Variants in ZNF804A observed in about 807,000 individuals in gnomAD.
ZNF804A encodes the protein zinc finger protein 804A.
In ZNF804A, 2 loss-of-function variants were observed where a neutral mutation model predicts 16.5. That is an observed-to-expected ratio of 0.12 (90% CI 0.05 to 0.38). The LOEUF (loss-of-function observed/expected upper bound fraction) is 0.38. Among genes scored for constraint, ZNF804A ranks in the 10% least tolerant of loss-of-function variants. ZNF804A has a pLI of 0.99. For synonymous variants in ZNF804A, 534 were observed against 489.6 expected (o/e 1.09, Z -1.20); for missense variants, 1,473 against 1,390.7 (o/e 1.06, Z -0.94).
intron 1 of ZNF804A, among the ~76,000 whole-genome samples, chr2:184,697,679 AAAT>A (rs1392350991): frequency 6.6e-6 from 1 of 152,096 alleles, no homozygotes; most frequent in African/African-American, 2.4e-5. Flanking sequence ...TTCTAACATT[AAAT>A]AATGAGAAAT....
chr2:184,756,104 GT>G (rs35350722), intron 1 of ZNF804A, among the ~76,000 whole-genome samples: 7 of 151,692 alleles, frequency 4.6e-5, no homozygotes, highest in African/African-American at 7.3e-5. Context: ...TGTTTATAGA[GT>G]TTTTTTCCTC....
At chr2:184,915,162 C>T (rs1177675326) in intron 2 of ZNF804A, among the ~76,000 whole-genome samples, 2 of 151,706 alleles carry the variant, frequency 1.3e-5, no homozygotes, top group Non-Finnish European at 2.9e-5. Flanking sequence ...AAAATTATTC[C>T]ATATTTACTG....
intron 2 of ZNF804A, among the ~76,000 whole-genome samples, chr2:184,932,877 A>AC (rs1453129803): frequency 1.3e-5 from 2 of 152,124 alleles, no homozygotes; most frequent in Admixed American, 1.3e-4. Flanking sequence ...AACTTCTTTA[A>AC]CACAGATGAA....
chr2:184,833,350 T>C (rs1695295315), intron 1 of ZNF804A, among the ~76,000 whole-genome samples: 2 of 152,160 alleles, frequency 1.3e-5, no homozygotes, highest in South Asian at 4.1e-4. Flanking sequence ...AGTCTAGATC[T>C]TCAGATCAGT....
chr2:184,637,587 A>G (rs1453640482), intron 1 of ZNF804A, among the ~76,000 whole-genome samples: 1 of 152,154 alleles, frequency 6.6e-6, no homozygotes, highest in Non-Finnish European at 1.5e-5. Context: ...TCAAAACAGG[A>G]AAAGAGACAG....
intron 1 of ZNF804A, among the ~76,000 whole-genome samples, chr2:184,844,406 T>C (rs1695483220): frequency 6.6e-6 from 1 of 152,102 alleles, no homozygotes; most frequent in Non-Finnish European, 1.5e-5. Context: ...GGCACATTTG[T>C]TGGTGATGAA....
rs1692766132 is a variant in ZNF804A, at chr2:184,693,483, T to C, written c.111+94413T>C. On this transcript the variant is annotated intron_variant, in intron 1 of 3. Transcript: ENST00000302277. The stretch of plus-strand genomic sequence containing the variant: ...ATAATTTATGTTTGTTATATTGCAC[T>C]CACATTTCTCCATAGCCCCATTTCA... Among the ~76,000 whole-genome samples, 5 of 152,190 alleles carry C rather than the reference T, an allele frequency of 3.3e-5. No homozygotes were observed. The South Asian group carries it at 1.0e-3, about 32-fold the overall frequency.
At chr2:184,704,412 A>G (rs1574171196) in intron 1 of ZNF804A, among the ~76,000 whole-genome samples, 1 of 152,282 alleles carries the variant, frequency 6.6e-6, no homozygotes, top group East Asian at 1.9e-4. Context: ...TCAGCCTCCC[A>G]AAGTCCTGGG....
At chr2:184,853,615 G>C (rs1051992356) in intron 1 of ZNF804A, among the ~76,000 whole-genome samples, 1 of 151,096 alleles carries the variant, frequency 6.6e-6, no homozygotes, top group African/African-American at 2.4e-5. Context: ...AGGATGTTGA[G>C]TTTAGTTAAA....
At chr2:184,822,064 G>A (rs1019339266) in intron 1 of ZNF804A, among the ~76,000 whole-genome samples, 4 of 152,046 alleles carry the variant, frequency 2.6e-5, no homozygotes, top group African/African-American at 7.2e-5. Context: ...ATTACTTGTT[G>A]TATACCCAAA....
At chr2:184,831,279 GT>G (rs147955346) in intron 1 of ZNF804A, among the ~76,000 whole-genome samples, 3 of 151,306 alleles carry the variant, frequency 2.0e-5, no homozygotes, top group Middle Eastern at 3.4e-3. Flanking sequence ...TATTAAATCA[GT>G]TTTTTTTGCA....
chr2:184,761,897 C>G (rs1021137557), intron 1 of ZNF804A, among the ~76,000 whole-genome samples: 2 of 152,086 alleles, frequency 1.3e-5, no homozygotes, highest in Admixed American at 6.6e-5. Context: ...CCCTGATGAG[C>G]TTTTGAGCCT....
intron 2 of ZNF804A, among the ~76,000 whole-genome samples, chr2:184,930,610 T>C (rs544182593): frequency 6.6e-6 from 1 of 152,324 alleles, no homozygotes; most frequent in Non-Finnish European, 1.5e-5. Context: ...TCATGCTATG[T>C]TGGGGAAATT....
At chr2:184,637,370 C>G (rs576785661) in intron 1 of ZNF804A, among the ~76,000 whole-genome samples, 67 of 152,216 alleles carry the variant, frequency 4.4e-4, no homozygotes, top group African/African-American at 9.9e-4. Context: ...ACTTGGTACT[C>G]TCTGGAGAAA....
At chr2:184,706,819 G>A (rs1693038047) in intron 1 of ZNF804A, among the ~76,000 whole-genome samples, 1 of 152,090 alleles carries the variant, frequency 6.6e-6, no homozygotes, top group Non-Finnish European at 1.5e-5. Context: ...TTAAACATTT[G>A]GAATTTTTGT....
At chr2:184,742,466 G>A (rs1693722495) in intron 1 of ZNF804A, among the ~76,000 whole-genome samples, 1 of 151,780 alleles carries the variant, frequency 6.6e-6, no homozygotes, top group African/African-American at 2.4e-5. Context: ...AATGAAAAGA[G>A]GATAGAACAA....
Position 184,939,463 on chromosome 2 carries a change from C to T in ZNF804A, c.*437C>T, listed in dbSNP as rs570035745. 1 of 153,140 alleles carries T rather than the reference C, an allele frequency of 6.5e-6. No individual in the cohort carries two copies. Among genetic ancestry groups the T allele is most frequent in the Non-Finnish European group, 1.5e-5 (1 of 68,462 alleles). 9.5% of individuals were successfully genotyped at this position (153,140 alleles called of 1,614,324 possible). A position where few individuals can be genotyped will look rare whatever the true frequency, so the allele number is the denominator to read the frequency against. ...TAAATTCAGTGAAAAATATCTCTTG[C>T]AATAAATTTTTGTTAACTATTTAAG... On this transcript the variant is annotated 3_prime_UTR_variant, in exon 4 of 4. Transcript: ENST00000302277.
intron 2 of ZNF804A, among the ~76,000 whole-genome samples, chr2:184,927,066 A>T (rs756582302): frequency 1.4e-4 from 21 of 152,278 alleles, no homozygotes; most frequent in Middle Eastern, 3.4e-3. Flanking sequence ...ATACTTAGGA[A>T]TATCTGTCCA....
chr2:184,652,628 C>A (rs988626373), intron 1 of ZNF804A, among the ~76,000 whole-genome samples: 1 of 152,058 alleles, frequency 6.6e-6, no homozygotes, highest in African/African-American at 2.4e-5. Flanking sequence ...TGTTAAGTTG[C>A]TTGCCTTTCC....
Sources: allele counts gnomAD v4.1 joint callset (sites outside exome capture counted in the v4.1 genomes callset), GRCh38; gene constraint gnomAD v4.1.1; transcripts MANE v1.5; gene names NCBI Gene and HGNC (gene_info 2026-07-23, HGNC 2026-07-21).